Variants in MIPEP observed in about 807,000 individuals in gnomAD.
The protein encoded by MIPEP is mitochondrial intermediate peptidase.
Under a neutral mutation model 90.3 loss-of-function variants are expected in MIPEP, and 79 were observed. The ratio of observed to expected loss-of-function variants is 0.87; its 90% confidence interval spans 0.73 to 1.05. The LOEUF is 1.05. Ranked by LOEUF, MIPEP falls within the 50% of genes least tolerant of loss-of-function variation. The pLI, the probability that MIPEP is intolerant of heterozygous loss-of-function variation, is 0.00. For missense variants in MIPEP, 940 were observed against 905.6 expected (o/e 1.04, Z -0.49); for synonymous variants, 334 against 315.8 (o/e 1.06, Z -0.61).
chr13:23,775,807 G>A (rs1952708995), intron 16 of MIPEP, among the ~76,000 whole-genome samples: 1 of 152,144 alleles, frequency 6.6e-6, no homozygotes, highest in East Asian at 1.9e-4. Flanking sequence ...AGGAAGAAGA[G>A]ATAAATCAAA....
rs77005467 is a variant in MIPEP at position 23,807,041 on chromosome 13, A to C, written c.1729-972T>G. Among the ~76,000 whole-genome samples the C allele has an allele frequency of 7.7e-3, 1,178 of 152,220 alleles. 9 individuals carry two copies. The highest frequency in any genetic ancestry group is 0.012 in the Admixed American group (188 of 15,292). On this transcript the variant is annotated intron_variant, in intron 15 of 18. Coordinates refer to ENST00000382172, the MANE Select transcript of MIPEP (RefSeq NM_005932.4). ...CTAGACTCCCACACCTGGTGTCAGGAAGTACAAAGGAAGCAGCTGCTGTAT... is the reference window on the plus strand; with the variant it reads ...CTAGACTCCCACACCTGGTGTCAGGCAGTACAAAGGAAGCAGCTGCTGTAT...
At chr13:23,770,899 G>C (rs571802806) in intron 16 of MIPEP, among the ~76,000 whole-genome samples, 34 of 152,352 alleles carry the variant, frequency 2.2e-4, no homozygotes, top group Non-Finnish European at 3.7e-4. Flanking sequence ...CCTGCCCTGT[G>C]TCTTGTGCGT....
intron 14 of MIPEP, among the ~76,000 whole-genome samples, chr13:23,822,262 A>C (rs1489171463): frequency 6.6e-6 from 1 of 152,222 alleles, no homozygotes; most frequent in Non-Finnish European, 1.5e-5. Context: ...CACAATTACC[A>C]CTGTATTTAA....
chr13:23,843,604 T>C (rs928638200), intron 10 of MIPEP, among the ~76,000 whole-genome samples: 2 of 152,200 alleles, frequency 1.3e-5, no homozygotes, highest in Non-Finnish European at 2.9e-5. Context: ...TGCTTACAGA[T>C]GCCATTTGGG....
intron 18 of MIPEP, among the ~76,000 whole-genome samples, chr13:23,750,772 C>T (rs1952433400): frequency 6.6e-6 from 1 of 152,190 alleles, no homozygotes; most frequent in African/African-American, 2.4e-5. Flanking sequence ...TTCATTTAAT[C>T]ATTTATATCA....
At chr13:23,862,238 A>C (rs1870339386) in intron 9 of MIPEP, 64 bp downstream of exon 9, 1 of 1,016,586 alleles carries the variant, frequency 9.8e-7, no homozygotes, top group African/African-American at 1.6e-5. Flanking sequence ...TTCCTGAATC[A>C]AAAGATATTG....
chr13:23,784,788 A>C (rs1163534620), intron 16 of MIPEP, among the ~76,000 whole-genome samples: 1 of 152,224 alleles, frequency 6.6e-6, no homozygotes, highest in African/African-American at 2.4e-5. Flanking sequence ...AAACAAATTT[A>C]CAAGAATAAA....
At chr13:23,783,937 C>A (rs955517950) in intron 16 of MIPEP, among the ~76,000 whole-genome samples, 2 of 151,880 alleles carry the variant, frequency 1.3e-5, no homozygotes, top group African/African-American at 4.8e-5. Context: ...AACCACTGCT[C>A]GAGGAAATAA....
chr13:23,842,640 C>T (rs1869350441), intron 10 of MIPEP: 1 of 152,362 alleles, frequency 6.6e-6, no homozygotes. Flanking sequence ...AGTGAACCAA[C>T]TACACTGTGT....
rs1266776428 is a variant in MIPEP, at chr13:23,886,461, T to C, written c.235A>G (p.Ile79Val). ...PELSAPEGFH[I>V]AQEKALRKTE... ...TTTCTCAAGGCTTTTTCTTGTGCAA[T>C]ATGAAATCCTTCTGGGGCACTCAGC... The change falls in exon 2 of 19, where the codon ATT becomes GTT. Residue 79 changes from isoleucine (I) to valine (V), a missense_variant. Transcript: ENST00000382172. 2.5e-6 allele frequency: 4 copies of C among 1,603,536 alleles called. No homozygotes were observed. The highest frequency in any genetic ancestry group is 3.4e-6 in the Non-Finnish European group (4 of 1,174,458).
chr13:23,845,128 C>G (rs1008824142), intron 10 of MIPEP, among the ~76,000 whole-genome samples: 1 of 152,014 alleles, frequency 6.6e-6, no homozygotes, highest in South Asian at 2.1e-4. Context: ...CACACTATCT[C>G]GCAATTTTAT....
intron 18 of MIPEP, among the ~76,000 whole-genome samples, chr13:23,738,721 G>T (rs1009137203): frequency 1.3e-5 from 2 of 152,130 alleles, no homozygotes; most frequent in Non-Finnish European, 2.9e-5. Flanking sequence ...GTGCCCCATG[G>T]GATTACAGGC....
chr13:23,770,530 G>C (rs541529004), intron 16 of MIPEP, among the ~76,000 whole-genome samples: 2 of 152,078 alleles, frequency 1.3e-5, no homozygotes, highest in South Asian at 4.1e-4. Context: ...CCTCAGCATC[G>C]AAGTCTGTGC....
chr13:23,738,396 G>A (rs906584079), intron 18 of MIPEP, among the ~76,000 whole-genome samples: 1 of 151,578 alleles, frequency 6.6e-6, no homozygotes, highest in Non-Finnish European at 1.5e-5. Context: ...TGTGGCCCAG[G>A]GAAGCCAAAA....
At chr13:23,786,272 T>C (rs577775664) in intron 16 of MIPEP, among the ~76,000 whole-genome samples, 1 of 152,112 alleles carries the variant, frequency 6.6e-6, no homozygotes, top group African/African-American at 2.4e-5. Flanking sequence ...TTTCATACTT[T>C]ACATCAAAAC....
intron 16 of MIPEP, among the ~76,000 whole-genome samples, chr13:23,801,945 G>A (rs1347029653): frequency 6.6e-6 from 1 of 152,046 alleles, no homozygotes; most frequent in African/African-American, 2.4e-5. Flanking sequence ...ATACCTGGTA[G>A]AGAAAGTAAA....
At chr13:23,751,483 C>T (rs1412441082) in intron 18 of MIPEP, among the ~76,000 whole-genome samples, 3 of 152,174 alleles carry the variant, frequency 2.0e-5, no homozygotes, top group Non-Finnish European at 4.4e-5. Context: ...ATGTTTGGTC[C>T]ATTTGAAAAA....
At chr13:23,771,454 ATAAT>A (rs1258404661) in intron 16 of MIPEP, among the ~76,000 whole-genome samples, 1 of 152,116 alleles carries the variant, frequency 6.6e-6, no homozygotes, top group African/African-American at 2.4e-5. Flanking sequence ...TTCTTTTTCT[ATAAT>A]TAACCAGTTT....
At position 23,778,097 on chromosome 13, in the gene MIPEP, T is replaced by C. The variant is rs115458194; in HGVS notation, c.1849-17880A>G. Among the ~76,000 whole-genome samples the C allele has an allele frequency of 6.1e-3, 923 of 152,342 alleles. 9 individuals carry two copies. The highest frequency in any genetic ancestry group is 0.021 in the African/African-American group (875 of 41,576). On this transcript the variant is annotated intron_variant, in intron 16 of 18. Coordinates refer to ENST00000382172, the MANE Select transcript of MIPEP (RefSeq NM_005932.4). ...TGGGAAAAAGTTATGGCTGCAATTGTATAAATCATTTCAAATACTGTTTGA... is the reference window on the plus strand; with the variant it reads ...TGGGAAAAAGTTATGGCTGCAATTGCATAAATCATTTCAAATACTGTTTGA...
Sources: allele counts gnomAD v4.1 joint callset (sites outside exome capture counted in the v4.1 genomes callset), GRCh38; gene constraint gnomAD v4.1.1; transcripts MANE v1.5; gene names NCBI Gene and HGNC (gene_info 2026-07-23, HGNC 2026-07-21).